OR51B5: variants seen among roughly 807,000 people sequenced by gnomAD.
OR51B5 encodes olfactory receptor family 51 subfamily B member 5.
For missense variants in OR51B5, 456 were observed against 374.6 expected, an observed-to-expected ratio of 1.22 and a Z score of -1.79; for synonymous variants, 186 against 144.8, an observed-to-expected ratio of 1.28 and a Z score of -2.04.
chr11:5,480,557 A>G (rs927972746), intron 1 of OR51B5, among the ~76,000 whole-genome samples: 10 of 151,864 alleles, frequency 6.6e-5, no homozygotes, highest in African/African-American at 2.4e-4. Flanking sequence ...CAAAAAATCA[A>G]TGAATCCAGG....
chr11:5,380,147 G>A (rs563414965), intron 1 of OR51B5, among the ~76,000 whole-genome samples: 4 of 151,810 alleles, frequency 2.6e-5, no homozygotes, highest in Admixed American at 1.3e-4. Flanking sequence ...AATGAAAATC[G>A]GTTCCCTTTC....
intron 1 of OR51B5, among the ~76,000 whole-genome samples, chr11:5,384,657 C>G (rs1466355912): frequency 6.6e-6 from 1 of 152,134 alleles, no homozygotes; most frequent in African/African-American, 2.4e-5. Flanking sequence ...GTATACACAC[C>G]CTCTCCTTAC....
At chr11:5,458,057 T>C (rs1410952272) in intron 1 of OR51B5, among the ~76,000 whole-genome samples, 1 of 152,218 alleles carries the variant, frequency 6.6e-6, no homozygotes, top group African/African-American at 2.4e-5. Context: ...TCCAGAATGG[T>C]ATTTCCTAGG....
chr11:5,430,813 T>G lies in OR51B5; in HGVS notation n.84+74756A>C, dbSNP rs527481990. On this transcript the variant is annotated intron_variant and non_coding_transcript_variant, in intron 1 of 4. Transcript: ENST00000415970. ...GGGAGAAGCATGTTTGGCAGCACGATGCATCACAGACACCCCAATCATGGG... is the reference window on the plus strand; with the variant it reads ...GGGAGAAGCATGTTTGGCAGCACGAGGCATCACAGACACCCCAATCATGGG... The G allele has an allele frequency of 8.7e-6, 4 of 457,254 alleles. No homozygotes were observed. In the Admixed American group the frequency reaches 9.4e-5, roughly 11 times the overall value. The allele number at this position is 457,254 out of a possible 1,614,324, so 28.3% of individuals were successfully genotyped here. A position where few individuals can be genotyped will look rare whatever the true frequency, so the allele number is the denominator to read the frequency against.
At chr11:5,405,483 T>G (rs1455039010) in intron 1 of OR51B5, among the ~76,000 whole-genome samples, 1 of 152,074 alleles carries the variant, frequency 6.6e-6, no homozygotes, top group Non-Finnish European at 1.5e-5. Flanking sequence ...GATAAAGCAG[T>G]GACAAAAGAT....
intron 1 of OR51B5, among the ~76,000 whole-genome samples, chr11:5,381,372 C>A (rs1413537110): frequency 2.0e-5 from 3 of 152,150 alleles, no homozygotes; most frequent in Non-Finnish European, 4.4e-5. Flanking sequence ...ATCATGCACC[C>A]ACATTCACTT....
At chr11:5,398,918 G>T (rs7925918) in intron 1 of OR51B5, among the ~76,000 whole-genome samples, 80,952 of 151,856 alleles carry the variant, frequency 0.53, 22,141 homozygotes, top group African/African-American at 0.66. Flanking sequence ...AGTATCTTTA[G>T]AGCAGTGTGA....
At chr11:5,360,773 A>C (rs561528089) in intron 1 of OR51B5, among the ~76,000 whole-genome samples, 1 of 148,438 alleles carries the variant, frequency 6.7e-6, no homozygotes, top group African/African-American at 2.5e-5. Context: ...TGGATTAAGA[A>C]AACGTGGCAC....
intron 1 of OR51B5, among the ~76,000 whole-genome samples, chr11:5,497,217 T>C (rs1372744048): frequency 6.6e-6 from 1 of 152,138 alleles, no homozygotes; most frequent in African/African-American, 2.4e-5. Context: ...ATGTTAATAA[T>C]CTCTTCCTTA....
At chr11:5,452,894 G>A (rs1261507733) in intron 1 of OR51B5, among the ~76,000 whole-genome samples, 1 of 152,110 alleles carries the variant, frequency 6.6e-6, no homozygotes, top group East Asian at 1.9e-4. Flanking sequence ...CAGTAATTCT[G>A]CCAATGAAAA....
exon 1 of OR51B5, chr11:5,343,125 G>GTACAGAGGTATATCT: frequency 6.2e-7 from 1 of 1,613,536 alleles, no homozygotes; most frequent in Non-Finnish European, 8.5e-7. Flanking sequence ...GTATTAGTAA[G>GTACAGAGGTATATCT]TACAGAGGTA....
chr11:5,351,311 T>C (rs138971017), intron 1 of OR51B5, among the ~76,000 whole-genome samples: 549 of 152,350 alleles, frequency 3.6e-3, no homozygotes, highest in Middle Eastern at 0.01. Flanking sequence ...AAACCCTAAA[T>C]AATATCTTCT....
intron 1 of OR51B5, chr11:5,390,396 T>C: frequency 1.3e-6 from 2 of 1,560,936 alleles, no homozygotes; most frequent in Non-Finnish European, 1.7e-6. Context: ...GGGCTAAAAC[T>C]CCCCCTAGAG....
chr11:5,436,237 T>C (rs1247584618), intron 1 of OR51B5, among the ~76,000 whole-genome samples: 1 of 152,138 alleles, frequency 6.6e-6, no homozygotes, highest in Admixed American at 6.6e-5. Context: ...GAGCCATAGG[T>C]GGAGATCACA....
At chr11:5,414,941 G>C (rs940270103) in intron 1 of OR51B5, among the ~76,000 whole-genome samples, 2 of 152,230 alleles carry the variant, frequency 1.3e-5, no homozygotes, top group Admixed American at 6.5e-5. Flanking sequence ...AACATCTACA[G>C]AACTCTCCAC....
At chr11:5,362,429 T>C (rs759262954) in intron 1 of OR51B5, among the ~76,000 whole-genome samples, 1 of 152,210 alleles carries the variant, frequency 6.6e-6, no homozygotes, top group Non-Finnish European at 1.5e-5. Flanking sequence ...TGAACATTAG[T>C]TGTTGAGCCT....
At chr11:5,467,405 C>T (rs564877197) in intron 1 of OR51B5, among the ~76,000 whole-genome samples, 3 of 152,212 alleles carry the variant, frequency 2.0e-5, no homozygotes, top group African/African-American at 7.2e-5. Flanking sequence ...AAAAGTTATT[C>T]CATGATCCTA....
At chr11:5,398,355 C>T (rs1013079796) in intron 1 of OR51B5, among the ~76,000 whole-genome samples, 1 of 152,116 alleles carries the variant, frequency 6.6e-6, no homozygotes, top group Non-Finnish European at 1.5e-5. Context: ...AATGTAATTA[C>T]CTGGGTAATT....
At chr11:5,366,619 G>C (rs1221851330) in intron 1 of OR51B5, among the ~76,000 whole-genome samples, 3 of 150,196 alleles carry the variant, frequency 2.0e-5, no homozygotes, top group Non-Finnish European at 3.0e-5. Flanking sequence ...AAGAAATAGA[G>C]AAAGAGAGAG....
Sources: gnomAD v4.1 joint callset for allele counts (sites outside exome capture counted in the v4.1 genomes callset) on GRCh38, gnomAD v4.1.1 for gene constraint, MANE v1.5 for transcripts, NCBI Gene and HGNC (gene_info 2026-07-23, HGNC 2026-07-21) for gene names.